UTRN: variants seen among roughly 807,000 people sequenced by gnomAD.
UTRN encodes utrophin.
In UTRN, 283 loss-of-function variants were observed where a neutral mutation model predicts 463.9. The ratio of observed to expected loss-of-function variants is 0.61; its 90% CI spans 0.55 to 0.67. The LOEUF is 0.67. Ranked by LOEUF, UTRN falls within the 30% of genes least tolerant of loss-of-function variation. UTRN has a pLI of 0.00. For missense variants in UTRN, 3,922 were observed against 4,084.3 expected, an observed-to-expected ratio of 0.96 and a Z score of 1.08; for synonymous variants, 1,442 against 1,431.5, an observed-to-expected ratio of 1.01 and a Z score of -0.17.
chr6:144,746,062 A>C (rs1229595566), intron 54 of UTRN, among the ~76,000 whole-genome samples: 1 of 151,744 alleles, frequency 6.6e-6, no homozygotes, highest in Non-Finnish European at 1.5e-5. Flanking sequence ...GTACAGTGGC[A>C]CATTATCGGC....
chr6:144,725,945 G>C (rs1014857800), intron 53 of UTRN, among the ~76,000 whole-genome samples: 10 of 152,248 alleles, frequency 6.6e-5, no homozygotes, highest in African/African-American at 2.4e-4. Context: ...GCCCAGGCTT[G>C]CCTCCTGTAC....
intron 52 of UTRN, among the ~76,000 whole-genome samples, chr6:144,698,968 T>C (rs1784289736): frequency 6.6e-6 from 1 of 152,236 alleles, no homozygotes; most frequent in Non-Finnish European, 1.5e-5. Flanking sequence ...CTATTCACAC[T>C]GGTCATTTGT....
At chr6:144,331,361 T>G (rs1398151396) in intron 2 of UTRN, among the ~76,000 whole-genome samples, 2 of 152,140 alleles carry the variant, frequency 1.3e-5, no homozygotes, top group African/African-American at 4.8e-5. Context: ...GCGTGTTTGT[T>G]GAATATGAAT....
At chr6:144,390,272 A>G (rs1781789482) in intron 2 of UTRN, among the ~76,000 whole-genome samples, 1 of 151,974 alleles carries the variant, frequency 6.6e-6, no homozygotes, top group Non-Finnish European at 1.5e-5. Context: ...TTCAATACCT[A>G]TTGCATCCAC....
intron 26 of UTRN, among the ~76,000 whole-genome samples, chr6:144,480,396 C>A (rs759222390): frequency 1.3e-5 from 2 of 152,288 alleles, no homozygotes; most frequent in South Asian, 4.1e-4. Flanking sequence ...TATTTCCAAA[C>A]ATTTTCACAA....
chr6:144,828,156 T>C (rs1780353436), intron 68 of UTRN, among the ~76,000 whole-genome samples: 1 of 152,202 alleles, frequency 6.6e-6, no homozygotes, highest in African/African-American at 2.4e-5. Context: ...GTGATTCTAG[T>C]AAGTAGCTTT....
chr6:144,740,739 A>G (rs1348822865), intron 54 of UTRN, among the ~76,000 whole-genome samples: 1 of 152,216 alleles, frequency 6.6e-6, no homozygotes, highest in Non-Finnish European at 1.5e-5. Context: ...ATTGGGTAAA[A>G]ATTTGGAAAA....
chr6:144,537,958 G>A (rs1797674317), intron 44 of UTRN, among the ~76,000 whole-genome samples: 1 of 152,126 alleles, frequency 6.6e-6, no homozygotes, highest in Non-Finnish European at 1.5e-5. Flanking sequence ...TTAGACCAAA[G>A]GTTTTTAGGA....
Position 144,537,694 on chromosome 6 carries a change from G to A in UTRN, c.6346G>A (p.Gly2116Arg), listed in dbSNP as rs775556727. 11 of 1,610,446 alleles carry A rather than the reference G, an allele frequency of 6.8e-6. No homozygotes were observed. The highest frequency in any genetic ancestry group is 9.3e-6 in the Non-Finnish European group (11 of 1,178,572). ...GCAAAAGAGATCAACCACCGAATTG[G>A]GAGAAAACCTGCAAGAATTAAGAGT... The part of the protein sequence containing the change: ...AMQKRSTTEL[G>R]ENLQELRDLT... Residue 2116 changes from glycine (G) to arginine (R), a missense_variant, in exon 44 of 75, where the codon GGA becomes AGA. Around this residue, in one of 3 missense-constraint regions of UTRN, gnomAD observed 2,349 missense variants for 2,303.8 expected, o/e 1.02. Transcript: ENST00000367545.
chr6:144,706,003 G>A (rs9399493), intron 53 of UTRN, among the ~76,000 whole-genome samples: 21 of 151,896 alleles, frequency 1.4e-4, no homozygotes, highest in African/African-American at 4.1e-4. Context: ...GTACCTACCC[G>A]TAATTATTTA....
intron 34 of UTRN, among the ~76,000 whole-genome samples, chr6:144,510,600 A>G (rs1217786319): frequency 1.3e-5 from 2 of 152,164 alleles, no homozygotes; most frequent in African/African-American, 4.8e-5. Context: ...GTTACTGAAA[A>G]TGAAATTGAG....
chr6:144,500,612 GT>G (rs554526513), intron 34 of UTRN, among the ~76,000 whole-genome samples: 145 of 152,238 alleles, frequency 9.5e-4, no homozygotes, highest in African/African-American at 3.3e-3. Context: ...TTTACAGAGT[GT>G]TTACAAAGAA....
chr6:144,787,002 G>A (rs1256558855), intron 61 of UTRN, among the ~76,000 whole-genome samples: 1 of 152,190 alleles, frequency 6.6e-6, no homozygotes, highest in African/African-American at 2.4e-5. Context: ...GTGATTGACA[G>A]CATCAGTTGT....
intron 53 of UTRN, among the ~76,000 whole-genome samples, chr6:144,715,196 T>C (rs6924941): frequency 0.52 from 78,633 of 151,802 alleles, 25,338 homozygotes; most frequent in East Asian, 0.88. Flanking sequence ...CCCAGCGTTC[T>C]GCATTTCAGT....
chr6:144,830,009 A>AAAG (rs1273957500), intron 69 of UTRN, among the ~76,000 whole-genome samples: 1 of 152,154 alleles, frequency 6.6e-6, no homozygotes, highest in Non-Finnish European at 1.5e-5. Flanking sequence ...CATTTCATGT[A>AAAG]AAGTAGTTAA....
chr6:144,577,548 T>G (rs1481743398), intron 51 of UTRN, among the ~76,000 whole-genome samples: 1 of 152,170 alleles, frequency 6.6e-6, no homozygotes, highest in East Asian at 1.9e-4. Flanking sequence ...CTATTCTGCT[T>G]TTTGTCATTT....
In UTRN at chr6:144,590,213, T is replaced by C. The variant is rs147306333; in HGVS notation, c.7479+12925T>C. ...TATATTCTTTTCAAAACTATTTCGA[T>C]GTTCGATGTTCAAGTATTGGCTATA... On this transcript the variant is annotated intron_variant, in intron 51 of 74. Transcript: ENST00000367545. 5.3e-3 allele frequency among the ~76,000 whole-genome samples: 806 copies of C among 152,282 alleles called. 6 individuals are homozygous for C. Among genetic ancestry groups the C allele is most frequent in the African/African-American group, 0.019 (779 of 41,554 alleles).
intron 53 of UTRN, among the ~76,000 whole-genome samples, chr6:144,730,007 A>C (rs952968721): frequency 9.9e-5 from 15 of 152,252 alleles, no homozygotes; most frequent in African/African-American, 3.4e-4. Flanking sequence ...GTCTTACAAG[A>C]AAAAAGTATC....
intron 51 of UTRN, among the ~76,000 whole-genome samples, chr6:144,648,162 G>A (rs922395782): frequency 2.0e-5 from 3 of 152,144 alleles, no homozygotes; most frequent in Admixed American, 6.5e-5. Context: ...TCACTGATGC[G>A]TCTTCTCCTT....
Sources: allele counts gnomAD v4.1 joint callset (sites outside exome capture counted in the v4.1 genomes callset), GRCh38; gene constraint gnomAD v4.1.1; regional missense constraint gnomAD v4.1.1; transcripts MANE v1.5; gene names NCBI Gene and HGNC (gene_info 2026-07-23, HGNC 2026-07-21).